Variants in KCNH1 observed in about 807,000 individuals in gnomAD.
KCNH1 encodes the protein potassium voltage-gated channel subfamily H member 1, also known as voltage-gated delayed rectifier potassium channel KCNH1.
KCNH1 carries 27 observed loss-of-function variants against 69.2 expected under a neutral mutation model. The ratio of observed to expected loss-of-function variants is 0.39; its 90% CI spans 0.29 to 0.54. The LOEUF (loss-of-function observed/expected upper bound fraction) is 0.54, where lower values mean the gene tolerates loss of function less well. Among genes scored for constraint, KCNH1 ranks in the 20% least tolerant of loss-of-function variants. The pLI is 0.68. For missense variants in KCNH1, 798 were observed against 1,261.6 expected (o/e 0.63, Z 5.57); for synonymous variants, 456 against 487.7 (o/e 0.93, Z 0.86).
intron 7 of KCNH1, among the ~76,000 whole-genome samples, chr1:210,886,442 A>G (rs1686607102): frequency 1.3e-5 from 2 of 152,148 alleles, no homozygotes; most frequent in Admixed American, 1.3e-4. Flanking sequence ...ATGAGGAAAA[A>G]CTAGTGCAAA....
intron 6 of KCNH1, among the ~76,000 whole-genome samples, chr1:211,013,021 A>G (rs1689422741): frequency 6.6e-6 from 1 of 152,226 alleles, no homozygotes; most frequent in South Asian, 2.1e-4. Flanking sequence ...CAGTATTGTT[A>G]GAACTCAAAG....
At chr1:211,038,240 C>T (rs1327470464) in intron 5 of KCNH1, among the ~76,000 whole-genome samples, 1 of 152,120 alleles carries the variant, frequency 6.6e-6, no homozygotes, top group Non-Finnish European at 1.5e-5. Context: ...GGATTACAGG[C>T]ATGAGCCACC....
intron 5 of KCNH1, among the ~76,000 whole-genome samples, chr1:211,052,770 C>T (rs113070165): frequency 2.6e-5 from 4 of 152,316 alleles, no homozygotes; most frequent in African/African-American, 7.2e-5. Context: ...TACAGCAGCA[C>T]GCAGGTCACT....
intron 7 of KCNH1, among the ~76,000 whole-genome samples, chr1:210,817,713 A>C (rs1261201354): frequency 6.6e-6 from 1 of 152,198 alleles, no homozygotes; most frequent in East Asian, 1.9e-4. Flanking sequence ...CATTAGTCTC[A>C]TTTGCACATG....
intron 6 of KCNH1, among the ~76,000 whole-genome samples, chr1:210,985,914 G>T (rs1052511971): frequency 5.9e-5 from 9 of 152,182 alleles, no homozygotes; most frequent in Non-Finnish European, 1.5e-5. Flanking sequence ...TTGTGTGGGA[G>T]TCTAAGTCTC....
intron 5 of KCNH1, among the ~76,000 whole-genome samples, chr1:211,032,423 T>C (rs1689805718): frequency 6.6e-6 from 1 of 152,254 alleles, no homozygotes; most frequent in South Asian, 2.1e-4. Flanking sequence ...TTAAAGTTCA[T>C]ATGGAACCAA....
chr1:210,785,023 A>G (rs1684067745), intron 9 of KCNH1, among the ~76,000 whole-genome samples: 1 of 152,176 alleles, frequency 6.6e-6, no homozygotes, highest in Admixed American at 6.5e-5. Context: ...AGGGGGATAA[A>G]ACAGAAGGCT....
intron 6 of KCNH1, among the ~76,000 whole-genome samples, chr1:210,921,141 C>T (rs1190028357): frequency 6.6e-6 from 1 of 152,224 alleles, no homozygotes; most frequent in African/African-American, 2.4e-5. Flanking sequence ...CTTCTCCATA[C>T]ACTAACATAC....
chr1:210,898,658 C>T (rs1020709183), intron 7 of KCNH1, among the ~76,000 whole-genome samples: 6 of 145,764 alleles, frequency 4.1e-5, no homozygotes, highest in Non-Finnish European at 8.9e-5. Flanking sequence ...CGCAAGACCC[C>T]TTGGAGGGGG....
At chr1:211,125,106 G>A (rs1691754101) in intron 1 of KCNH1, among the ~76,000 whole-genome samples, 1 of 152,122 alleles carries the variant, frequency 6.6e-6, no homozygotes, top group Admixed American at 6.6e-5. Context: ...TTTAATCAGG[G>A]GAAAACAGCT....
chr1:210,727,831 GA>G (rs1035141607), intron 10 of KCNH1, among the ~76,000 whole-genome samples: 1 of 152,118 alleles, frequency 6.6e-6, no homozygotes, highest in South Asian at 2.1e-4. Context: ...AGCTTTAAAA[GA>G]AAAAACGCTG....
At chr1:210,991,104 T>C (rs2102389120) in intron 6 of KCNH1, among the ~76,000 whole-genome samples, 1 of 152,342 alleles carries the variant, frequency 6.6e-6, no homozygotes, top group South Asian at 2.1e-4. Context: ...CTTCTGGGTA[T>C]ATATCTAAAG....
intron 7 of KCNH1, among the ~76,000 whole-genome samples, chr1:210,811,776 C>T (rs980466955): frequency 6.6e-6 from 1 of 152,084 alleles, no homozygotes; most frequent in African/African-American, 2.4e-5. Flanking sequence ...ACACCGCCAC[C>T]TCAAGGTAGA....
intron 5 of KCNH1, among the ~76,000 whole-genome samples, chr1:211,027,565 G>T (rs964889368): frequency 6.6e-6 from 1 of 151,628 alleles, no homozygotes. Flanking sequence ...GATCACTCTA[G>T]TGTAGGCAAC....
chr1:211,052,726 G>T (rs1690228626), intron 5 of KCNH1, among the ~76,000 whole-genome samples: 1 of 152,220 alleles, frequency 6.6e-6, no homozygotes, highest in Non-Finnish European at 1.5e-5. Flanking sequence ...TTAGGACCAG[G>T]AAACTAAGGA....
chr1:211,062,563 G>C (rs1690449863), intron 5 of KCNH1, among the ~76,000 whole-genome samples: 1 of 152,120 alleles, frequency 6.6e-6, no homozygotes, highest in South Asian at 2.1e-4. Context: ...CTATCCCTCT[G>C]ACAAGGGATT....
At chr1:210,890,032 A>G (rs969585890) in intron 7 of KCNH1, among the ~76,000 whole-genome samples, 4 of 152,136 alleles carry the variant, frequency 2.6e-5, no homozygotes. Flanking sequence ...TCACAGAATT[A>G]GAAAAAACTA....
Position 210,954,097 on chromosome 1 carries a change from G to A in KCNH1, c.1033-34028C>T, listed in dbSNP as rs538016073. Among the ~76,000 whole-genome samples, 7 of 149,192 alleles carry A rather than the reference G, an allele frequency of 4.7e-5. No individual in the cohort carries two copies. In the South Asian group the frequency reaches 6.4e-4, roughly 14 times the overall value. On this transcript the variant is annotated intron_variant, in intron 6 of 10. Coordinates refer to ENST00000271751, the MANE Select transcript of KCNH1 (RefSeq NM_172362.3). ...CAGGCCCCAGTGTGTGATGTTCCCC[G>A]CCTTGTGTCCAAGTGTTCTCATTGT...
chr1:210,718,015 G>A (rs900489140), intron 10 of KCNH1, among the ~76,000 whole-genome samples: 3 of 151,844 alleles, frequency 2.0e-5, no homozygotes, highest in East Asian at 1.9e-4. Flanking sequence ...GCGGAGGCCC[G>A]GGAATTGCTT....
Sources: gnomAD v4.1 joint callset for allele counts (sites outside exome capture counted in the v4.1 genomes callset) on GRCh38, gnomAD v4.1.1 for gene constraint, MANE v1.5 for transcripts, NCBI Gene and HGNC (gene_info 2026-07-23, HGNC 2026-07-21) for gene names.